Variants in CELF2 observed in about 807,000 individuals in gnomAD.
The protein encoded by CELF2 is CUGBP Elav-like family member 2, also known as CUG triplet repeat RNA-binding protein 2.
A neutral mutation model predicts 62.6 loss-of-function variants in CELF2; 8 were observed. That is an observed-to-expected ratio of 0.13 (90% CI 0.07 to 0.23). The LOEUF is 0.23. Ranked by LOEUF, CELF2 falls within the 10% of genes least tolerant of loss-of-function variation. The probability of loss-of-function intolerance (pLI) is 1.00; values close to 1 mark genes in which losing one functional copy is unlikely to be tolerated. For synonymous variants in CELF2, 258 were observed against 250.0 expected, an observed-to-expected ratio of 1.03 and a Z score of -0.30; for missense variants, 333 against 671.0, an observed-to-expected ratio of 0.50 and a Z score of 5.56.
At chr10:11,107,599 T>G (rs1394187192) in intron 1 of CELF2, among the ~76,000 whole-genome samples, 3 of 152,040 alleles carry the variant, frequency 2.0e-5, no homozygotes, top group Non-Finnish European at 4.4e-5. Context: ...ACCAAACATA[T>G]TTCTAGAAGT....
the CELF2 span, among the ~76,000 whole-genome samples, chr10:10,578,424 G>T: frequency 6.6e-6 from 1 of 152,140 alleles, no homozygotes; most frequent in African/African-American, 2.4e-5. Context: ...TTTTAGACAT[G>T]AAGTCCTTGC....
Position 11,018,084 on chromosome 10 carries a change from G to A in CELF2, c.-6G>A, listed in dbSNP as rs754265947. 1.4e-6 allele frequency: 2 copies of A among 1,461,360 alleles called. No individual in the cohort carries two copies. Among genetic ancestry groups the A allele is most frequent in the Non-Finnish European group, 1.8e-6 (2 of 1,094,044 alleles). The allele number at this position is 1,461,360 out of a possible 1,614,324, so 90.5% of individuals were successfully genotyped here. On this transcript the variant is annotated 5_prime_UTR_variant, in exon 1 of 13. Coordinates refer to ENST00000633077, the MANE Select transcript of CELF2 (RefSeq NM_001326342.2). ...CCCGCCGCTGCCGCCGCGTGCGCCC[G>A]CGAACATGACTTCTGCCTTCAAGCT...
the CELF2 span, among the ~76,000 whole-genome samples, chr10:10,775,818 C>A: frequency 1.3e-5 from 2 of 152,150 alleles, no homozygotes; most frequent in Non-Finnish European, 2.9e-5. Context: ...TTTCCATGTA[C>A]GTCTGCTTTA....
chr10:10,486,040 A>C, the CELF2 span, among the ~76,000 whole-genome samples: 8 of 152,204 alleles, frequency 5.3e-5, no homozygotes, highest in Non-Finnish European at 7.3e-5. Flanking sequence ...TAGAATTAGA[A>C]TCATGGAAAC....
At chr10:11,226,243 T>G (rs1208886236) in intron 3 of CELF2, among the ~76,000 whole-genome samples, 1 of 152,224 alleles carries the variant, frequency 6.6e-6, no homozygotes, top group African/African-American at 2.4e-5. Context: ...AAGCTGAAAC[T>G]CAAAGAAGAT....
chr10:10,801,700 C>T (rs1216638085), intron 1 of CELF2, among the ~76,000 whole-genome samples: 1 of 152,176 alleles, frequency 6.6e-6, no homozygotes, highest in Non-Finnish European at 1.5e-5. Flanking sequence ...GCAAAAAGGC[C>T]TTTAAACCCA....
chr10:11,119,197 C>T (rs77412255), intron 1 of CELF2, among the ~76,000 whole-genome samples: 8,450 of 152,108 alleles, frequency 0.056, 272 homozygotes, highest in Middle Eastern at 0.065. Context: ...ATTTTTTTTC[C>T]CCTTAAACTT....
the CELF2 span, chr10:10,792,266 G>A: frequency 2.5e-6 from 1 of 396,514 alleles, no homozygotes; most frequent in South Asian, 1.4e-4. Context: ...TAACAAGTTA[G>A]TTTTTAGATC....
the CELF2 span, among the ~76,000 whole-genome samples, chr10:10,645,648 T>C: frequency 1.3e-5 from 2 of 152,130 alleles, no homozygotes; most frequent in East Asian, 3.9e-4. Context: ...AGCAAGACTT[T>C]GTCTCAAAAA....
At chr10:11,229,182 C>A (rs2067704246) in intron 3 of CELF2, among the ~76,000 whole-genome samples, 1 of 152,198 alleles carries the variant, frequency 6.6e-6, no homozygotes, top group Non-Finnish European at 1.5e-5. Flanking sequence ...TTCAGCAAAC[C>A]ATGCCCCCGT....
At chr10:11,325,703 C>G in intron 11 of CELF2, 133 bp from the exon 12 acceptor site, 1 of 756,260 alleles carries the variant, frequency 1.3e-6, no homozygotes, top group Middle Eastern at 2.5e-4. Flanking sequence ...CACTCCAGCA[C>G]TTGACATTTA....
chr10:10,700,750 G>C, the CELF2 span, among the ~76,000 whole-genome samples: 1 of 152,188 alleles, frequency 6.6e-6, no homozygotes, highest in Non-Finnish European at 1.5e-5. Context: ...TGTCTAAAAA[G>C]TATAAAAGCA....
chr10:10,619,020 C>T, the CELF2 span, among the ~76,000 whole-genome samples: 5 of 152,176 alleles, frequency 3.3e-5, no homozygotes, highest in South Asian at 6.2e-4. Context: ...ACCTGGCTGG[C>T]GCCATGTTGC....
intron 2 of CELF2, among the ~76,000 whole-genome samples, chr10:10,929,264 G>A (rs1367081317): frequency 6.6e-6 from 1 of 152,062 alleles, no homozygotes; most frequent in Non-Finnish European, 1.5e-5. Context: ...CCTTAATCAT[G>A]TGGACTTAAG....
chr10:10,976,287 A>G (rs1410849039), intron 2 of CELF2, among the ~76,000 whole-genome samples: 1 of 152,178 alleles, frequency 6.6e-6, no homozygotes, highest in Admixed American at 6.5e-5. Flanking sequence ...TTGGGCTTGG[A>G]TATATTCAAT....
At position 11,324,965 on chromosome 10, in the gene CELF2, T is replaced by C. The variant is rs575245021; in HGVS notation, c.1295-871T>C. On this transcript the variant is annotated intron_variant, in intron 11 of 12. Transcript: ENST00000633077. The surrounding 1 kb of genome is among the most constrained non-coding windows in gnomAD (Gnocchi z 4.7). ...AAGAAACAGCCAGCCCTCATCTCCC[T>C]CAGCTCATATTTATGCCCTTTTGTG... Among the ~76,000 whole-genome samples the C allele has an allele frequency of 3.9e-5, 6 of 152,284 alleles. No individual in the cohort carries two copies. The South Asian group carries it at 8.3e-4, about 21-fold the overall frequency.
At chr10:10,999,870 G>A (rs1271554155) in intron 2 of CELF2, among the ~76,000 whole-genome samples, 2 of 152,226 alleles carry the variant, frequency 1.3e-5, no homozygotes, top group African/African-American at 4.8e-5. Context: ...ACATTTGGAT[G>A]CCCAGATAAT....
At chr10:11,139,600 C>T (rs1467208377) in intron 1 of CELF2, among the ~76,000 whole-genome samples, 1 of 152,092 alleles carries the variant, frequency 6.6e-6, no homozygotes, top group East Asian at 1.9e-4. Context: ...AAAAATGTAA[C>T]CTACAAGGAA....
chr10:10,556,477 A>T, the CELF2 span, among the ~76,000 whole-genome samples: 1 of 152,172 alleles, frequency 6.6e-6, no homozygotes, highest in South Asian at 2.1e-4. Context: ...ATTGTGAATA[A>T]TGCCGCAATA....
Sources: gnomAD v4.1 joint callset for allele counts (sites outside exome capture counted in the v4.1 genomes callset) on GRCh38, gnomAD v4.1.1 for gene constraint, Gnocchi (gnomAD v3.1) non-coding constraint, MANE v1.5 for transcripts, NCBI Gene and HGNC (gene_info 2026-07-23, HGNC 2026-07-21) for gene names.